The following KCNK10 variants were observed in gnomAD, a reference collection of about 807,000 sequenced individuals.
The protein encoded by KCNK10 is potassium two pore domain channel subfamily K member 10.
In KCNK10, 25 loss-of-function variants were observed where a neutral mutation model predicts 47.7. The observed-to-expected ratio is 0.52, with a 90% CI of 0.38 to 0.73. The LOEUF (loss-of-function observed/expected upper bound fraction) is 0.73. Ranked by LOEUF, KCNK10 falls within the 30% of genes least tolerant of loss-of-function variation. The pLI is 0.00. For synonymous variants in KCNK10, 303 were observed against 285.6 expected, an observed-to-expected ratio of 1.06 and a Z score of -0.61; for missense variants, 563 against 714.5, an observed-to-expected ratio of 0.79 and a Z score of 2.42.
intron 2 of KCNK10, among the ~76,000 whole-genome samples, chr14:88,258,448 G>A (rs1887019331): frequency 1.3e-5 from 2 of 151,972 alleles, no homozygotes; most frequent in Non-Finnish European, 2.9e-5. Flanking sequence ...CTGCCACCAC[G>A]CCCAGCTAAT....
At chr14:88,310,271 A>ATACC (rs1888300686) in intron 1 of KCNK10, among the ~76,000 whole-genome samples, 1 of 56,606 alleles carries the variant, frequency 1.8e-5, no homozygotes, top group African/African-American at 9.2e-5. Context: ...GGTATATCAT[A>ATACC]ATTACTTGAT....
At chr14:88,195,497 T>G (rs1231447104) in intron 4 of KCNK10, among the ~76,000 whole-genome samples, 1 of 152,192 alleles carries the variant, frequency 6.6e-6, no homozygotes, top group Non-Finnish European at 1.5e-5. Context: ...CCCTCATATG[T>G]GGCTTAAGAT....
chr14:88,321,624 G>C (rs1002102379), intron 1 of KCNK10, among the ~76,000 whole-genome samples: 2 of 152,108 alleles, frequency 1.3e-5, no homozygotes, highest in Non-Finnish European at 2.9e-5. Flanking sequence ...TATTTAAGAT[G>C]TAACAGCCTC....
chr14:88,188,936 C>T (rs1002922086), intron 5 of KCNK10, among the ~76,000 whole-genome samples: 1 of 152,196 alleles, frequency 6.6e-6, no homozygotes, highest in African/African-American at 2.4e-5. Flanking sequence ...GTTGCAAGCC[C>T]AACCCACCGT....
At chr14:88,228,901 C>A (rs1455518386) in intron 3 of KCNK10, among the ~76,000 whole-genome samples, 1 of 152,130 alleles carries the variant, frequency 6.6e-6, no homozygotes, top group African/African-American at 2.4e-5. Flanking sequence ...GCTCTCAGAA[C>A]TTTTTTCAGG....
At position 88,186,119 on chromosome 14, in the gene KCNK10, C is replaced by T. The variant is rs781389659; in HGVS notation, c.1048G>A (p.Ala350Thr). Residue 350 changes from alanine to threonine, a missense_variant, in exon 7 of 7, where the codon GCC (alanine) becomes ACC (threonine). Coordinates refer to ENST00000319231, the MANE Select transcript of KCNK10 (RefSeq NM_138317.3). The surrounding 1 kb of genome is among the most constrained non-coding windows in gnomAD (Gnocchi z 5.5). Reference sequence around the variant, plus strand: ...TCCCGGAACTCAGCCGTGACATTGGCCTTCCACTCTGCCGCATGGGCCTTG... The same window carrying T: ...TCCCGGAACTCAGCCGTGACATTGGTCTTCCACTCTGCCGCATGGGCCTTG... ...EIKAHAAEWK[A>T]NVTAEFRETR... The T allele has an allele frequency of 6.2e-6, 10 of 1,604,354 alleles. No homozygotes were observed. The highest frequency in any genetic ancestry group is 8.5e-6 in the Non-Finnish European group (10 of 1,175,730).
rs867475857 is a variant in KCNK10 at position 88,180,614 on chromosome 14, A to G, written c.*4921T>C. Reference sequence around the variant, plus strand: ...TTTCAGATTTTTCACCTAAGAATCAAGAACACAAAGTAGATACCAAATCTC... The same window carrying G: ...TTTCAGATTTTTCACCTAAGAATCAGGAACACAAAGTAGATACCAAATCTC... On this transcript the variant is annotated 3_prime_UTR_variant, in exon 7 of 7. Coordinates refer to ENST00000319231, the MANE Select transcript of KCNK10 (RefSeq NM_138317.3). 2.5e-6 allele frequency: 1 copy of G among 396,340 alleles called. No homozygotes were observed. Among genetic ancestry groups the G allele is most frequent in the Middle Eastern group, 6.3e-4 (1 of 1,576 alleles). 24.6% of individuals were successfully genotyped at this position (396,340 alleles called of 1,614,324 possible). A position where few individuals can be genotyped will look rare whatever the true frequency, so the allele number is the denominator to read the frequency against.
chr14:88,226,456 G>C (rs1885990757), intron 4 of KCNK10, among the ~76,000 whole-genome samples: 1 of 152,170 alleles, frequency 6.6e-6, no homozygotes. Context: ...ACCATTCCTA[G>C]ATCCTGGAAA....
At chr14:88,245,827 A>T (rs1475549592) in intron 2 of KCNK10, among the ~76,000 whole-genome samples, 1 of 152,224 alleles carries the variant, frequency 6.6e-6, no homozygotes, top group African/African-American at 2.4e-5. Flanking sequence ...GCAAATAAAA[A>T]GGTAGCTCTG....
At chr14:88,240,678 G>A (rs370064623) in intron 3 of KCNK10, 25 bp downstream of exon 3, 3 of 1,424,566 alleles carry the variant, frequency 2.1e-6, no homozygotes, top group Non-Finnish European at 3.0e-6. Flanking sequence ...TGCAGAGGAA[G>A]AGATATTAGC....
intron 4 of KCNK10, among the ~76,000 whole-genome samples, chr14:88,193,408 G>C (rs1884812909): frequency 6.6e-6 from 1 of 152,130 alleles, no homozygotes; most frequent in Non-Finnish European, 1.5e-5. Context: ...GGCGACACTG[G>C]AATTGACTCT....
At chr14:88,233,069 C>A (rs563798957) in intron 3 of KCNK10, among the ~76,000 whole-genome samples, 14 of 152,270 alleles carry the variant, frequency 9.2e-5, no homozygotes, top group Non-Finnish European at 1.3e-4. Context: ...TGAGCTCTGA[C>A]CCAAAGCATG....
At chr14:88,219,338 G>T (rs780628613) in intron 4 of KCNK10, among the ~76,000 whole-genome samples, 52 of 152,320 alleles carry the variant, frequency 3.4e-4, no homozygotes, top group Middle Eastern at 3.4e-3. Flanking sequence ...AATGGGACCT[G>T]GTAACTAGCT....
chr14:88,203,201 CCCGGGCAGACACAGCAG>C lies in KCNK10; in HGVS notation c.682-10808_682-10792del, dbSNP rs1406987707. ...TCCAGGGGCCACCGCCCTGTATATG[CCCGGGCAGACACAGCAG>C]TGGCTTCCTCCGGGACCAGTTCCAT... On this transcript the variant is annotated intron_variant, in intron 4 of 6. Transcript: ENST00000319231. Among the ~76,000 whole-genome samples, 956 of 152,284 alleles carry C rather than the reference CCCGGGCAGACACAGCAG, an allele frequency of 6.3e-3. 8 individuals are homozygous for C. The highest frequency in any genetic ancestry group is 0.022 in the African/African-American group (916 of 41,544).
In KCNK10 at chr14:88,321,285, T is replaced by C. The variant is rs1595137072; in HGVS notation, c.52+1462A>G. 2.6e-5 allele frequency among the ~76,000 whole-genome samples: 4 copies of C among 152,316 alleles called. No homozygotes were observed. The South Asian group carries it at 8.3e-4, about 32-fold the overall frequency. Reference sequence around the variant, plus strand: ...CCTCCAGGCCTAAGTCCAAGTGTCATGTCCTCAGGGAAGCCTTCTCTGGTC... The same window carrying C: ...CCTCCAGGCCTAAGTCCAAGTGTCACGTCCTCAGGGAAGCCTTCTCTGGTC... On this transcript the variant is annotated intron_variant, in intron 1 of 6. Coordinates refer to ENST00000319231, the MANE Select transcript of KCNK10 (RefSeq NM_138317.3).
chr14:88,310,333 G>A (rs887586662), intron 1 of KCNK10, among the ~76,000 whole-genome samples: 2 of 151,654 alleles, frequency 1.3e-5, no homozygotes, highest in African/African-American at 4.8e-5. Context: ...ACACGCCTCA[G>A]GTCTTTTTCA....
intron 3 of KCNK10, chr14:88,235,395 A>G: frequency 2.8e-6 from 1 of 353,076 alleles, no homozygotes; most frequent in Non-Finnish European, 5.6e-6. Context: ...CTCACCAGAA[A>G]AATGTTTCCA....
intron 3 of KCNK10, 110 bp from the exon 4 acceptor site, chr14:88,227,645 AG>A: frequency 1.1e-6 from 1 of 907,896 alleles, no homozygotes; most frequent in Non-Finnish European, 1.6e-6. Flanking sequence ...TATGAGCTTC[AG>A]GGAGTAGAAC....
intron 1 of KCNK10, among the ~76,000 whole-genome samples, chr14:88,318,250 C>A (rs77772501): frequency 0.024 from 3,591 of 152,166 alleles, 49 homozygotes; most frequent in African/African-American, 0.036. Context: ...AGCCTTCAGT[C>A]CTCTCCAGTC....
Sources: allele counts gnomAD v4.1 joint callset (sites outside exome capture counted in the v4.1 genomes callset), GRCh38; gene constraint gnomAD v4.1.1; non-coding constraint Gnocchi (gnomAD v3.1); transcripts MANE v1.5; gene names NCBI Gene and HGNC (gene_info 2026-07-23, HGNC 2026-07-21).